Variants in SAMD12 observed in about 807,000 individuals in gnomAD.
SAMD12 encodes sterile alpha motif domain containing 12, also known as sterile alpha motif domain-containing protein 12.
Under a neutral mutation model 15.0 loss-of-function variants are expected in SAMD12, and 9 were observed. That is an observed-to-expected ratio of 0.60 (90% CI 0.36 to 1.05). The LOEUF is 1.05. SAMD12 is among the 50% of genes least tolerant of loss of function. The pLI is 0.01. For synonymous variants in SAMD12, 86 were observed against 90.1 expected (o/e 0.96, Z 0.25); for missense variants, 230 against 234.2 (o/e 0.98, Z 0.12).
At chr8:118,280,826 A>G (rs1019070658) in intron 4 of SAMD12, among the ~76,000 whole-genome samples, 9 of 152,100 alleles carry the variant, frequency 5.9e-5, no homozygotes, top group Admixed American at 3.3e-4. Context: ...TCTAGAAGTA[A>G]GAGTTCTTAA....
chr8:118,528,065 C>T (rs201100325), intron 2 of SAMD12, among the ~76,000 whole-genome samples: 3 of 151,986 alleles, frequency 2.0e-5, no homozygotes, highest in African/African-American at 7.2e-5. Flanking sequence ...CTCACTCTGT[C>T]GCCCAGGCTG....
chr8:118,330,029 G>A (rs774210523), intron 4 of SAMD12, among the ~76,000 whole-genome samples: 10 of 152,160 alleles, frequency 6.6e-5, no homozygotes, highest in Non-Finnish European at 1.2e-4. Flanking sequence ...AACATGTAGT[G>A]TAGGGAATAA....
chr8:118,170,808 T>C, the SAMD12 span, among the ~76,000 whole-genome samples: 2 of 151,734 alleles, frequency 1.3e-5, no homozygotes, highest in Admixed American at 6.6e-5. Flanking sequence ...GTACAAGTGA[T>C]AAAAGAAAAA....
intron 2 of SAMD12, among the ~76,000 whole-genome samples, chr8:118,551,480 A>G (rs1801848888): frequency 1.3e-5 from 2 of 152,104 alleles, no homozygotes; most frequent in African/African-American, 4.8e-5. Flanking sequence ...GAAACCAACG[A>G]GAACAAAGAC....
At chr8:118,375,011 T>C (rs1170169479), downstream of SAMD12, among the ~76,000 whole-genome samples, 4 of 152,132 alleles carry the variant, frequency 2.6e-5, no homozygotes, top group African/African-American at 9.7e-5. Context: ...TATGCCTAAT[T>C]CATTTAAGTA....
At chr8:118,257,474 A>G (rs1476096843) in intron 4 of SAMD12, among the ~76,000 whole-genome samples, 1 of 151,964 alleles carries the variant, frequency 6.6e-6, no homozygotes, top group Non-Finnish European at 1.5e-5. Flanking sequence ...GGGACTGGCT[A>G]TTTTCTTGAC....
At chr8:118,234,009 T>A (rs7834777) in intron 4 of SAMD12, among the ~76,000 whole-genome samples, 9,558 of 152,170 alleles carry the variant, frequency 0.063, 671 homozygotes, top group African/African-American at 0.15. Flanking sequence ...ACAAATGAAG[T>A]GGTTTGGCCT....
chr8:118,341,243 C>G (rs1247156910), intron 4 of SAMD12, among the ~76,000 whole-genome samples: 2 of 152,092 alleles, frequency 1.3e-5, no homozygotes, highest in African/African-American at 4.8e-5. Flanking sequence ...CCTCACTGCC[C>G]TGAACACATG....
the SAMD12 span, among the ~76,000 whole-genome samples, chr8:118,168,431 T>C: frequency 6.6e-6 from 1 of 152,220 alleles, no homozygotes; most frequent in South Asian, 2.1e-4. Flanking sequence ...TTTCCCTACA[T>C]TCTGACCACG....
intron 2 of SAMD12, among the ~76,000 whole-genome samples, chr8:118,503,658 G>A (rs1480951783): frequency 1.3e-5 from 2 of 152,120 alleles, no homozygotes; most frequent in African/African-American, 4.8e-5. Flanking sequence ...GAAACCAAGC[G>A]CCACCTGGAG....
intron 4 of SAMD12, among the ~76,000 whole-genome samples, chr8:118,262,956 C>A (rs940948694): frequency 6.6e-6 from 1 of 152,004 alleles, no homozygotes; most frequent in Non-Finnish European, 1.5e-5. Context: ...TTCTTTAATT[C>A]ATTAGTTTTA....
chr8:118,551,957 C>G (rs1826351339), intron 2 of SAMD12, among the ~76,000 whole-genome samples: 1 of 151,366 alleles, frequency 6.6e-6, no homozygotes, highest in Admixed American at 6.6e-5. Flanking sequence ...GACACATACA[C>G]TCTCCCAAGA....
chr8:118,312,710 A>C (rs1439847041), intron 4 of SAMD12, among the ~76,000 whole-genome samples: 1 of 152,168 alleles, frequency 6.6e-6, no homozygotes, highest in Non-Finnish European at 1.5e-5. Flanking sequence ...CTAATACAAC[A>C]ACCTTTTGGA....
At chr8:118,518,137 A>C (rs1825294393) in intron 2 of SAMD12, among the ~76,000 whole-genome samples, 1 of 152,226 alleles carries the variant, frequency 6.6e-6, no homozygotes, top group African/African-American at 2.4e-5. Flanking sequence ...CACTGTGGCC[A>C]AAGGGATAGC....
intron 4 of SAMD12, among the ~76,000 whole-genome samples, chr8:118,254,293 G>C (rs1404966693): frequency 6.6e-6 from 1 of 152,134 alleles, no homozygotes; most frequent in Non-Finnish European, 1.5e-5. Context: ...TTTCAGCCGG[G>C]GGTTGACAGG....
chr8:118,191,787 T>C (rs1231438261), exon 5 of SAMD12: 1 of 53,912 alleles, frequency 1.9e-5, no homozygotes, highest in African/African-American at 7.1e-5. Context: ...TATATATATA[T>C]ATATATATAT....
At chr8:118,524,365 A>G (rs1825476303) in intron 2 of SAMD12, among the ~76,000 whole-genome samples, 1 of 152,134 alleles carries the variant, frequency 6.6e-6, no homozygotes, top group South Asian at 2.1e-4. Context: ...AGCATCTAGG[A>G]CATGACTCAC....
At chr8:118,459,669 C>T (rs1336577310) in intron 2 of SAMD12, among the ~76,000 whole-genome samples, 3 of 152,146 alleles carry the variant, frequency 2.0e-5, no homozygotes, top group Non-Finnish European at 4.4e-5. Context: ...GTGGCCCCTA[C>T]TAACTCCTAA....
chr8:118,183,361 C>T, the SAMD12 span, among the ~76,000 whole-genome samples: 1 of 152,304 alleles, frequency 6.6e-6, no homozygotes, highest in East Asian at 1.9e-4. Flanking sequence ...CTTGAATCCA[C>T]TGAAAAGGTA....
Sources: gnomAD v4.1 joint callset for allele counts (sites outside exome capture counted in the v4.1 genomes callset) on GRCh38, gnomAD v4.1.1 for gene constraint, MANE v1.5 for transcripts, NCBI Gene and HGNC (gene_info 2026-07-23, HGNC 2026-07-21) for gene names.